The following SYT16 variants were observed in gnomAD, a reference collection of about 807,000 sequenced individuals.
SYT16 encodes the protein synaptotagmin-16.
SYT16 carries 42 observed loss-of-function variants against 61.4 expected under a neutral mutation model. The ratio of observed to expected loss-of-function variants is 0.68; its 90% CI spans 0.53 to 0.89. The LOEUF is 0.89. Among genes scored for constraint, SYT16 ranks in the 40% least tolerant of loss-of-function variants. SYT16 has a pLI of 0.00. For synonymous variants in SYT16, 314 were observed against 302.3 expected (o/e 1.04, Z -0.40); for missense variants, 804 against 807.3 (o/e 1.00, Z 0.05).
intron 1 of SYT16, among the ~76,000 whole-genome samples, chr14:61,861,119 T>G (rs1018676569): frequency 7.9e-5 from 12 of 152,142 alleles, no homozygotes; most frequent in Admixed American, 5.9e-4. Flanking sequence ...TTTCTGATAA[T>G]GAGATTCATC....
chr14:62,042,402 AT>A (rs2054770987), intron 3 of SYT16, among the ~76,000 whole-genome samples: 1 of 152,190 alleles, frequency 6.6e-6, no homozygotes, highest in Admixed American at 6.5e-5. Flanking sequence ...TTGTTAAGTT[AT>A]ATAGTGGCTC....
chr14:61,887,995 ACATGCTTTTCT>A (rs1281723341), intron 1 of SYT16, among the ~76,000 whole-genome samples: 1 of 152,132 alleles, frequency 6.6e-6, no homozygotes, highest in African/African-American at 2.4e-5. Context: ...TTGGCTTTTC[ACATGCTTTTCT>A]CACTCAGCTT....
chr14:61,839,485 A>AT, intron 1 of SYT16, among the ~76,000 whole-genome samples: 1 of 152,332 alleles, frequency 6.6e-6, no homozygotes, highest in East Asian at 1.9e-4. Flanking sequence ...GAGGAGTTAT[A>AT]TATAAGTCAG....
At chr14:61,928,376 A>G (rs949406137) in intron 1 of SYT16, among the ~76,000 whole-genome samples, 16 of 152,182 alleles carry the variant, frequency 1.1e-4, no homozygotes, top group African/African-American at 3.9e-4. Flanking sequence ...AAAAGGACAT[A>G]ACTGAAATTT....
intron 1 of SYT16, among the ~76,000 whole-genome samples, chr14:61,859,267 G>A (rs1360467784): frequency 6.6e-6 from 1 of 152,156 alleles, no homozygotes; most frequent in Non-Finnish European, 1.5e-5. Context: ...CTAGGGACTA[G>A]ACATGTTGGC....
intron 3 of SYT16, among the ~76,000 whole-genome samples, chr14:62,048,272 T>C (rs1441688908): frequency 6.6e-6 from 1 of 152,238 alleles, no homozygotes; most frequent in Non-Finnish European, 1.5e-5. Context: ...ATGGAGGTGT[T>C]TATAGTATTC....
chr14:61,933,122 T>A (rs933626279), intron 1 of SYT16, among the ~76,000 whole-genome samples: 1 of 152,230 alleles, frequency 6.6e-6, no homozygotes, highest in Non-Finnish European at 1.5e-5. Context: ...TGTTTGTTTG[T>A]TATATTCTTT....
chr14:61,848,517 C>T (rs937083350), intron 1 of SYT16, among the ~76,000 whole-genome samples: 1 of 152,162 alleles, frequency 6.6e-6, no homozygotes, highest in Non-Finnish European at 1.5e-5. Flanking sequence ...CTCTGATGGT[C>T]AGACCTGGAA....
chr14:62,016,230 C>T lies in SYT16; in HGVS notation c.523+19688C>T, dbSNP rs181828505. 3.9e-5 allele frequency among the ~76,000 whole-genome samples: 6 copies of T among 152,292 alleles called. No individual in the cohort carries two copies. In the East Asian group the frequency reaches 1.2e-3, roughly 29 times the overall value. On this transcript the variant is annotated intron_variant, in intron 3 of 7. Transcript: ENST00000683842. ...TGTTTCAGTTTCCATGGCACAGCTC[C>T]AAGTCATTTTCACAAGAGGTGTCCT...
intron 1 of SYT16, among the ~76,000 whole-genome samples, chr14:61,880,782 ATTCT>A: frequency 5.9e-5 from 9 of 152,200 alleles, no homozygotes; most frequent in African/African-American, 1.9e-4. Flanking sequence ...CTTGTGTATT[ATTCT>A]TATAGGCAGC....
At chr14:62,037,291 A>G (rs1191685321) in intron 3 of SYT16, among the ~76,000 whole-genome samples, 1 of 152,096 alleles carries the variant, frequency 6.6e-6, no homozygotes, top group Non-Finnish European at 1.5e-5. Flanking sequence ...ACTTCCTTGC[A>G]TACTCTGTCA....
intron 3 of SYT16, among the ~76,000 whole-genome samples, chr14:62,002,157 A>G (rs1189763511): frequency 1.3e-5 from 2 of 152,080 alleles, no homozygotes; most frequent in Admixed American, 6.6e-5. Context: ...ATAGAACATT[A>G]TATGTAGGGA....
At chr14:62,018,954 C>T (rs2053813352) in intron 3 of SYT16, among the ~76,000 whole-genome samples, 1 of 152,218 alleles carries the variant, frequency 6.6e-6, no homozygotes, top group African/African-American at 2.4e-5. Context: ...ATGGTGGTAA[C>T]AAATCTTTGT....
At chr14:61,833,970 ATTTTTTT>A (rs544826072) in intron 1 of SYT16, among the ~76,000 whole-genome samples, 1 of 117,292 alleles carries the variant, frequency 8.5e-6, no homozygotes, top group East Asian at 2.5e-4. Context: ...TCTGGCTTTG[ATTTTTTT>A]TTTTTTTTTT....
chr14:61,913,756 G>GGAC (rs1354366117), intron 1 of SYT16, among the ~76,000 whole-genome samples: 1 of 122,996 alleles, frequency 8.1e-6, no homozygotes, highest in African/African-American at 3.1e-5. Context: ...GAAGTTACAG[G>GGAC]GACGAACTTG....
chr14:62,037,476 T>A (rs752405694), intron 3 of SYT16, among the ~76,000 whole-genome samples: 2 of 152,172 alleles, frequency 1.3e-5, no homozygotes, highest in African/African-American at 2.4e-5. Context: ...CTATTCTTAA[T>A]GCAGGTGCAC....
rs71117856 is a variant in SYT16 at position 61,820,469 on chromosome 14, G to GTTTTTT, written c.-325+7684_-325+7689dup. On this transcript the variant is annotated intron_variant, in intron 1 of 7. Transcript: ENST00000683842. ...ATATGCTTCAGGGCACCTCTTCAGA[G>GTTTTTT]TTTTTTTTTTTTTTTTTTTTTTTTT... Among the ~76,000 whole-genome samples, 119 of 61,092 alleles carry GTTTTTT rather than the reference G, an allele frequency of 1.9e-3. 22 individuals carry two copies. The highest frequency in any genetic ancestry group is 5.8e-3 in the East Asian group (10 of 1,712). 40.1% of individuals were successfully genotyped at this position (61,092 alleles called of 152,430 possible). A position where few individuals can be genotyped will look rare whatever the true frequency, so the allele number is the denominator to read the frequency against.
intron 3 of SYT16, among the ~76,000 whole-genome samples, chr14:62,051,746 A>G (rs1179191092): frequency 6.6e-6 from 1 of 152,228 alleles, no homozygotes; most frequent in Non-Finnish European, 1.5e-5. Context: ...TTGTTAAAAC[A>G]TGCAGTTTTT....
At chr14:62,088,412 G>A (rs1390561777) in intron 7 of SYT16, among the ~76,000 whole-genome samples, 1 of 152,180 alleles carries the variant, frequency 6.6e-6, no homozygotes, top group African/African-American at 2.4e-5. Flanking sequence ...GCAAAGGAGT[G>A]GTGGTGTCAG....
Sources: gnomAD v4.1 joint callset for allele counts (sites outside exome capture counted in the v4.1 genomes callset) on GRCh38, gnomAD v4.1.1 for gene constraint, MANE v1.5 for transcripts, NCBI Gene and HGNC (gene_info 2026-07-23, HGNC 2026-07-21) for gene names.